ZNF726: variants seen among roughly 807,000 people sequenced by gnomAD.
The protein encoded by ZNF726 is zinc finger protein 726.
ZNF726 carries 15 observed loss-of-function variants against 11.6 expected under a neutral mutation model. That is an observed-to-expected ratio of 1.29 (90% CI 0.86 to 1.99). The LOEUF (loss-of-function observed/expected upper bound fraction) is 1.99, where lower values mean the gene tolerates loss of function less well. Ranked by LOEUF, ZNF726 falls within the 30% of genes most tolerant of loss-of-function variation. The pLI is 0.00. For missense variants in ZNF726, 890 were observed against 725.6 expected, an observed-to-expected ratio of 1.23 and a Z score of -2.60; for synonymous variants, 295 against 243.6, an observed-to-expected ratio of 1.21 and a Z score of -1.96.
chr19:23,928,278 T>G (rs956875823), intron 3 of ZNF726: 1 of 152,218 alleles, frequency 6.6e-6, no homozygotes, highest in Non-Finnish European at 1.5e-5. Flanking sequence ...TTATAAGTTA[T>G]CCACTCTCCA....
chr19:23,937,383 TCAGA>T (rs1454237461), downstream of ZNF726, among the ~76,000 whole-genome samples: 1 of 143,910 alleles, frequency 6.9e-6, no homozygotes, highest in East Asian at 2.2e-4. Context: ...TCCTCACTTC[TCAGA>T]CGGGGTGGCT....
Position 23,933,731 on chromosome 19 carries a change from T to C in ZNF726, c.1615T>C (p.Cys539Arg), listed in dbSNP as rs1433751866. 2 of 1,612,108 alleles carry C rather than the reference T, an allele frequency of 1.2e-6. No homozygotes were observed. Among genetic ancestry groups the C allele is most frequent in the South Asian group, 2.2e-5 (2 of 91,040 alleles). Residue 539 changes from cysteine (C) to arginine (R), a missense_variant, in exon 4 of 4, where the codon TGT becomes CGT. By Grantham distance (180) the Cys-to-Arg change is radical. Transcript: ENST00000594466. Reference protein sequence around the residue: ...RIHTGEKPYKCEECGKTFNQS... With the variant: ...RIHTGEKPYKREECGKTFNQS... ...TCACACTGGAGAGAAACCCTACAAA[T>C]GTGAAGAATGTGGCAAAACTTTTAA... is the stretch of plus-strand genomic sequence containing the variant.
chr19:23,941,593 G>A (rs1285397018), intron 3 of ZNF726, among the ~76,000 whole-genome samples: 1 of 152,054 alleles, frequency 6.6e-6, no homozygotes, highest in East Asian at 1.9e-4. Flanking sequence ...CTGTGAATCA[G>A]TCTGGTCCTG....
chr19:23,917,797 C>T (rs1320883859), intron 1 of ZNF726, among the ~76,000 whole-genome samples: 7 of 152,072 alleles, frequency 4.6e-5, no homozygotes, highest in Admixed American at 1.3e-4. Flanking sequence ...ATATGAACAC[C>T]GAGGAATTTT....
chr19:23,922,922 C>CTT (rs372633600), intron 3 of ZNF726, among the ~76,000 whole-genome samples: 21 of 144,764 alleles, frequency 1.5e-4, no homozygotes, highest in Admixed American at 4.9e-4. Flanking sequence ...AATAGGTCAC[C>CTT]TTTTTTTTTT....
chr19:23,920,999 C>T (rs553995900), intron 3 of ZNF726: 36 of 152,210 alleles, frequency 2.4e-4, no homozygotes, highest in Admixed American at 3.3e-4. Flanking sequence ...ATTACTATAG[C>T]CTTGAAATAT....
intron 3 of ZNF726, among the ~76,000 whole-genome samples, chr19:23,940,759 A>G (rs1968326011): frequency 6.6e-6 from 1 of 152,128 alleles, no homozygotes; most frequent in Non-Finnish European, 1.5e-5. Flanking sequence ...CTATTGTAAA[A>G]GGGGTTGAGT....
downstream of ZNF726, among the ~76,000 whole-genome samples, chr19:23,934,731 TC>T (rs1208891281): frequency 1.3e-5 from 2 of 152,224 alleles, no homozygotes; most frequent in Admixed American, 1.3e-4. Context: ...TCTTGATCTC[TC>T]TGAGCTCTTT....
intron 3 of ZNF726, among the ~76,000 whole-genome samples, chr19:23,931,724 G>C (rs934098519): frequency 6.6e-6 from 1 of 152,130 alleles, no homozygotes; most frequent in African/African-American, 2.4e-5. Context: ...GAAATTTTGT[G>C]TTCAGTTTTT....
rs766846918 is a variant in ZNF726, at chr19:23,933,140, A to C, written c.1024A>C (p.Lys342Gln). Residue 342 changes from lysine to glutamine, a missense_variant, in exon 4 of 4, where the codon AAA becomes CAA. Physicochemically the swap from Lys to Gln is moderately conservative, Grantham distance 53. Coordinates refer to ENST00000594466, the MANE Select transcript of ZNF726 (RefSeq NM_001244038.2). ...KRLHSGEKPY[K>Q]CEECAKAFSQ... is the part of the protein sequence containing the mutation. ...GCTGCACAGTGGAGAGAAACCCTAC[A>C]AATGTGAAGAATGTGCCAAAGCTTT... is the stretch of plus-strand genomic sequence containing the variant. 21 of 1,600,646 alleles carry C rather than the reference A, an allele frequency of 1.3e-5. No homozygotes were observed. Among genetic ancestry groups the C allele is most frequent in the South Asian group, 4.5e-5 (4 of 88,958 alleles).
chr19:23,933,800 G>T lies in ZNF726; in HGVS notation c.1684G>T (p.Glu562Ter). ...TACACATAAGATAATTCATACTGGAGAGAAACCTTACAAGTGTGAAGAATG... is the reference window on the plus strand; with the variant it reads ...TACACATAAGATAATTCATACTGGATAGAAACCTTACAAGTGTGAAGAATG... Reference protein sequence around the residue: ...LSTHKIIHTGEKPYKCEECGK... With the variant: ...LSTHKIIHTG The change falls in exon 4 of 4, where the codon GAG (glutamate) becomes TAG (stop). Residue 562 changes from glutamate to a stop codon, truncating the protein, a stop_gained. Coordinates refer to ENST00000594466, the MANE Select transcript of ZNF726 (RefSeq NM_001244038.2). LOFTEE classifies it low-confidence loss of function (END_TRUNC). 6.2e-7 allele frequency: 1 copy of T among 1,606,912 alleles called. No homozygotes were observed. Among genetic ancestry groups the T allele is most frequent in the South Asian group, 1.1e-5 (1 of 90,564 alleles).
intron 1 of ZNF726, among the ~76,000 whole-genome samples, chr19:23,915,632 G>A (rs1049299670): frequency 1.3e-5 from 2 of 151,860 alleles, no homozygotes; most frequent in African/African-American, 4.8e-5. Context: ...CCAGGCTGAA[G>A]TGCAGTTTCG....
In ZNF726 at chr19:23,933,245, G is replaced by C; in HGVS notation, c.1129G>C (p.Ala377Pro). 1 of 1,613,176 alleles carries C rather than the reference G, an allele frequency of 6.2e-7. No homozygotes were observed. Among genetic ancestry groups the C allele is most frequent in the Non-Finnish European group, 8.5e-7 (1 of 1,179,972 alleles). ...KPYKCEECGK[A>P]FIWPSTLTKH... is the part of the protein sequence containing the mutation. ...CTACAAATGTGAAGAATGTGGCAAA[G>C]CATTTATATGGCCCTCAACCCTAAC... Residue 377 changes from alanine to proline, a missense_variant, in exon 4 of 4, where the codon GCA becomes CCA. Physicochemically the swap from Ala to Pro is conservative, Grantham distance 27. Transcript: ENST00000594466.
intron 3 of ZNF726, among the ~76,000 whole-genome samples, chr19:23,930,855 T>C (rs1439806678): frequency 1.3e-5 from 2 of 152,244 alleles, no homozygotes; most frequent in African/African-American, 4.8e-5. Context: ...CCACAAAATA[T>C]TTTTAAATAT....
rs1968139497 is a variant in ZNF726, at chr19:23,932,807, T to A, written c.691T>A (p.Cys231Ser). ...KTHTEEKPYK[C>S]EEYGKAFNQS... ...TCATACTGAAGAAAAGCCCTACAAATGTGAAGAATATGGCAAAGCTTTTAA... is the reference window on the plus strand; with the variant it reads ...TCATACTGAAGAAAAGCCCTACAAAAGTGAAGAATATGGCAAAGCTTTTAA... Residue 231 changes from cysteine (C) to serine (S), a missense_variant, in exon 4 of 4, where the codon TGT (cysteine) becomes AGT (serine). Transcript: ENST00000594466. The A allele has an allele frequency of 6.2e-6, 10 of 1,610,524 alleles. No homozygotes were observed. The East Asian group carries it at 2.2e-4, about 36-fold the overall frequency.
intron 3 of ZNF726, among the ~76,000 whole-genome samples, chr19:23,921,897 T>C (rs1392162172): frequency 6.6e-6 from 1 of 152,256 alleles, no homozygotes; most frequent in Non-Finnish European, 1.5e-5. Flanking sequence ...CTTTCAGTGC[T>C]ATGTTAAAAT....
intron 3 of ZNF726, among the ~76,000 whole-genome samples, chr19:23,926,006 C>A (rs778620277): frequency 6.6e-6 from 1 of 152,054 alleles, no homozygotes; most frequent in South Asian, 2.1e-4. Flanking sequence ...TGAGCCACCA[C>A]GCCCGGCTAT....
chr19:23,937,622 G>T (rs1568382958), downstream of ZNF726, among the ~76,000 whole-genome samples: 3 of 151,858 alleles, frequency 2.0e-5, no homozygotes, highest in Admixed American at 6.6e-5. Flanking sequence ...CTTCCTAGAT[G>T]GGATGGCGGC....
At chr19:23,930,792 C>G (rs191847351) in intron 3 of ZNF726, among the ~76,000 whole-genome samples, 3 of 152,092 alleles carry the variant, frequency 2.0e-5, no homozygotes, top group Non-Finnish European at 2.9e-5. Flanking sequence ...TTATTTATCT[C>G]TTTTAGGTAT....
Sources: gnomAD v4.1 joint callset for allele counts (sites outside exome capture counted in the v4.1 genomes callset) on GRCh38, gnomAD v4.1.1 for gene constraint, MANE v1.5 for transcripts, NCBI Gene and HGNC (gene_info 2026-07-23, HGNC 2026-07-21) for gene names.